VPS50: variants seen among roughly 807,000 people sequenced by gnomAD.
VPS50 encodes the protein VPS50 subunit of EARP/GARPII complex.
Under a neutral mutation model 139.7 loss-of-function variants are expected in VPS50, and 70 were observed. The ratio of observed to expected loss-of-function variants is 0.50; its 90% CI spans 0.41 to 0.61. The LOEUF (loss-of-function observed/expected upper bound fraction) is 0.61. Ranked by LOEUF, VPS50 falls within the 20% of genes least tolerant of loss-of-function variation. VPS50 has a pLI of 0.00. For synonymous variants in VPS50, 365 were observed against 376.7 expected (o/e 0.97, Z 0.36); for missense variants, 921 against 1,133.7 (o/e 0.81, Z 2.69).
At chr7:93,235,741 T>C (rs1409749395) in intron 1 of VPS50, among the ~76,000 whole-genome samples, 2 of 152,206 alleles carry the variant, frequency 1.3e-5, no homozygotes, top group African/African-American at 4.8e-5. Flanking sequence ...ACATGGTTTT[T>C]GGACTTGTTA....
chr7:93,289,824 G>A (rs930640766), intron 12 of VPS50, among the ~76,000 whole-genome samples: 12 of 151,968 alleles, frequency 7.9e-5, no homozygotes, highest in African/African-American at 2.9e-4. Context: ...ATTTGTATAT[G>A]AGACCAGATC....
chr7:93,253,943 A>G lies in VPS50; in HGVS notation c.297+12A>G. 6.6e-7 allele frequency: 1 copy of G among 1,507,270 alleles called. No homozygotes were observed. The highest frequency in any genetic ancestry group is 9.1e-7 in the Non-Finnish European group (1 of 1,094,870). 93.4% of individuals were successfully genotyped at this position (1,507,270 alleles called of 1,614,324 possible). A position where few individuals can be genotyped will look rare whatever the true frequency, so the allele number is the denominator to read the frequency against. On this transcript the variant is annotated intron_variant, in intron 4 of 27. Coordinates refer to ENST00000305866, the MANE Select transcript of VPS50 (RefSeq NM_017667.4). Reference sequence around the variant, plus strand: ...AACAGCAAGCTGCAGTAAGTAAAAAAAAAACACATTTCTTTCTGGCAAAAC... The same window carrying G: ...AACAGCAAGCTGCAGTAAGTAAAAAGAAAACACATTTCTTTCTGGCAAAAC...
intron 16 of VPS50, among the ~76,000 whole-genome samples, chr7:93,299,385 A>G (rs1452762321): frequency 6.6e-6 from 1 of 152,224 alleles, no homozygotes; most frequent in Non-Finnish European, 1.5e-5. Context: ...CCCCTTTGCC[A>G]GTCATTCTAC....
In VPS50 at chr7:93,289,492, T is replaced by G. The variant is rs977717508; in HGVS notation, c.943-2211T>G. Among the ~76,000 whole-genome samples the G allele has an allele frequency of 2.6e-5, 4 of 152,074 alleles. No homozygotes were observed. In the East Asian group the frequency reaches 7.7e-4, roughly 29 times the overall value. The stretch of plus-strand genomic sequence containing the variant: ...TTGTCTTTTGACCTCACATATGGTG[T>G]TTTTTGCTATACAAATTGTACTTAT... On this transcript the variant is annotated intron_variant, in intron 12 of 27. Coordinates refer to ENST00000305866, the MANE Select transcript of VPS50 (RefSeq NM_017667.4).
intron 20 of VPS50, among the ~76,000 whole-genome samples, chr7:93,315,441 G>C (rs926736871): frequency 2.6e-5 from 4 of 152,150 alleles, no homozygotes; most frequent in African/African-American, 9.7e-5. Context: ...GGATCAAAGA[G>C]TATATACATT....
intron 20 of VPS50, chr7:93,323,288 G>T (rs1797672479): frequency 6.6e-6 from 1 of 152,592 alleles, no homozygotes; most frequent in South Asian, 2.1e-4. Context: ...TACAGTGTCA[G>T]TTGTAGAAGA....
chr7:93,296,433 A>G (rs1180331268), intron 14 of VPS50, among the ~76,000 whole-genome samples: 1 of 152,176 alleles, frequency 6.6e-6, no homozygotes, highest in Non-Finnish European at 1.5e-5. Flanking sequence ...CCTTAAGTGT[A>G]CTTTGGTAAA....
At chr7:93,293,990 G>A (rs1796727489) in intron 13 of VPS50, among the ~76,000 whole-genome samples, 1 of 152,208 alleles carries the variant, frequency 6.6e-6, no homozygotes, top group Non-Finnish European at 1.5e-5. Flanking sequence ...AAATGTGTAT[G>A]TGTCTTTTTC....
chr7:93,272,050 G>C (rs1346258112), intron 10 of VPS50, among the ~76,000 whole-genome samples: 2 of 151,568 alleles, frequency 1.3e-5, no homozygotes, highest in Non-Finnish European at 3.0e-5. Flanking sequence ...TTTAATGAAG[G>C]CTTTCTTTTG....
chr7:93,345,779 C>T (rs933602586), intron 23 of VPS50, among the ~76,000 whole-genome samples: 1 of 152,112 alleles, frequency 6.6e-6, no homozygotes, highest in Non-Finnish European at 1.5e-5. Context: ...ATTCAACAAC[C>T]CTTCATGCAA....
chr7:93,288,255 C>T (rs762259403), intron 12 of VPS50, among the ~76,000 whole-genome samples: 4 of 152,084 alleles, frequency 2.6e-5, no homozygotes, highest in Non-Finnish European at 5.9e-5. Flanking sequence ...TAAGGGAAAA[C>T]ATTAAGACTG....
At chr7:93,303,356 G>T in intron 16 of VPS50, 104 bp from the exon 17 acceptor site, 1 of 473,764 alleles carries the variant, frequency 2.1e-6, no homozygotes, top group Non-Finnish European at 3.7e-6. Flanking sequence ...TTATGATCAT[G>T]ACAATAATCC....
At chr7:93,330,180 C>T (rs1282943920) in intron 21 of VPS50, among the ~76,000 whole-genome samples, 1 of 152,072 alleles carries the variant, frequency 6.6e-6, no homozygotes, top group Non-Finnish European at 1.5e-5. Flanking sequence ...ATTAGTAAAG[C>T]AGTGATGAGT....
intron 26 of VPS50, among the ~76,000 whole-genome samples, chr7:93,354,207 C>G (rs1394243680): frequency 6.6e-6 from 1 of 151,902 alleles, no homozygotes; most frequent in African/African-American, 2.4e-5. Context: ...CTCAGAAAAC[C>G]GAGACTTAAA....
intron 20 of VPS50, among the ~76,000 whole-genome samples, chr7:93,316,021 T>C (rs559032179): frequency 1.1e-4 from 17 of 152,244 alleles, no homozygotes; most frequent in African/African-American, 3.9e-4. Flanking sequence ...AGAGAAAGAA[T>C]GATGATTAAT....
At chr7:93,236,969 T>TTTC (rs1794824272) in intron 1 of VPS50, among the ~76,000 whole-genome samples, 2 of 122,890 alleles carry the variant, frequency 1.6e-5, no homozygotes, top group Non-Finnish European at 3.2e-5. Context: ...TTTTTTTTTT[T>TTTC]CGAGACAGTC....
At chr7:93,268,634 A>C (rs758432126) in intron 9 of VPS50, among the ~76,000 whole-genome samples, 6 of 152,088 alleles carry the variant, frequency 3.9e-5, no homozygotes, top group Non-Finnish European at 4.4e-5. Flanking sequence ...AGCTTCATCC[A>C]TGTCCCTGCA....
chr7:93,299,481 T>A (rs1318309661), intron 16 of VPS50, among the ~76,000 whole-genome samples: 1 of 152,210 alleles, frequency 6.6e-6, no homozygotes. Context: ...TAAATGTGCA[T>A]ACAGTTTGGT....
At chr7:93,255,970 A>G (rs1378089112) in intron 4 of VPS50, among the ~76,000 whole-genome samples, 1 of 152,208 alleles carries the variant, frequency 6.6e-6, no homozygotes, top group South Asian at 2.1e-4. Context: ...ATACGTTAAT[A>G]TTATTCATAG....
Sources: gnomAD v4.1 joint callset for allele counts (sites outside exome capture counted in the v4.1 genomes callset) on GRCh38, gnomAD v4.1.1 for gene constraint, MANE v1.5 for transcripts, NCBI Gene and HGNC (gene_info 2026-07-23, HGNC 2026-07-21) for gene names.